SCAPER: variants seen among roughly 807,000 people sequenced by gnomAD.
SCAPER encodes the protein S phase cyclin A-associated protein in the endoplasmic reticulum.
In SCAPER, 98 loss-of-function variants were observed where a neutral mutation model predicts 182.2. The ratio of observed to expected loss-of-function variants is 0.54; its 90% CI spans 0.46 to 0.64. The LOEUF (loss-of-function observed/expected upper bound fraction) is 0.64. Among genes scored for constraint, SCAPER ranks in the 30% least tolerant of loss-of-function variants. SCAPER has a pLI of 0.00. For synonymous variants in SCAPER, 605 were observed against 564.6 expected, an observed-to-expected ratio of 1.07 and a Z score of -1.01; for missense variants, 1,432 against 1,690.0, an observed-to-expected ratio of 0.85 and a Z score of 2.68.
At chr15:76,854,370 A>G (rs1253086383) in intron 4 of SCAPER, among the ~76,000 whole-genome samples, 2 of 152,176 alleles carry the variant, frequency 1.3e-5, no homozygotes, top group Non-Finnish European at 2.9e-5. Flanking sequence ...TGCGACAAAA[A>G]AGAATAAAAT....
intron 23 of SCAPER, among the ~76,000 whole-genome samples, chr15:76,547,178 G>A (rs934146579): frequency 2.6e-5 from 4 of 152,100 alleles, no homozygotes; most frequent in African/African-American, 4.8e-5. Context: ...ACAGGTTTCC[G>A]TTTCCCCATA....
At chr15:76,831,260 C>G (rs1212518339) in intron 5 of SCAPER, among the ~76,000 whole-genome samples, 1 of 152,116 alleles carries the variant, frequency 6.6e-6, no homozygotes, top group East Asian at 1.9e-4. Flanking sequence ...CAGGGCCAGT[C>G]TGATCTAAAT....
At chr15:76,770,847 A>G (rs2063425657) in intron 10 of SCAPER, among the ~76,000 whole-genome samples, 1 of 152,130 alleles carries the variant, frequency 6.6e-6, no homozygotes, top group Admixed American at 6.5e-5. Flanking sequence ...ACTAAAAGAC[A>G]CAAGATGAAA....
At chr15:76,685,153 T>C (rs2057958861) in intron 20 of SCAPER, among the ~76,000 whole-genome samples, 1 of 151,900 alleles carries the variant, frequency 6.6e-6, no homozygotes, top group Admixed American at 6.6e-5. Flanking sequence ...TATTTAGAAA[T>C]TAGAAAAAGA....
At chr15:76,448,780 G>GT (rs2048177630) in intron 25 of SCAPER, among the ~76,000 whole-genome samples, 1 of 152,200 alleles carries the variant, frequency 6.6e-6, no homozygotes, top group African/African-American at 2.4e-5. Flanking sequence ...AAAGAACTGA[G>GT]TGGCATGGTG....
chr15:76,725,354 C>T (rs1266254645), intron 17 of SCAPER, among the ~76,000 whole-genome samples: 1 of 151,358 alleles, frequency 6.6e-6, no homozygotes, highest in East Asian at 1.9e-4. Context: ...TTAAGATGGC[C>T]ATATTGGCTG....
intron 23 of SCAPER, among the ~76,000 whole-genome samples, chr15:76,536,377 T>C (rs151278548): frequency 1.3e-5 from 2 of 152,130 alleles, no homozygotes; most frequent in Non-Finnish European, 2.9e-5. Context: ...AAAAAACCAC[T>C]TTTGAATCTC....
At chr15:76,391,184 G>C (rs1263715936) in intron 27 of SCAPER, among the ~76,000 whole-genome samples, 2 of 152,022 alleles carry the variant, frequency 1.3e-5, no homozygotes, top group Non-Finnish European at 2.9e-5. Flanking sequence ...TTCTCAACTA[G>C]AATACCCTTT....
intron 21 of SCAPER, among the ~76,000 whole-genome samples, chr15:76,639,942 T>C (rs971457772): frequency 1.3e-5 from 2 of 152,222 alleles, no homozygotes; most frequent in African/African-American, 2.4e-5. Flanking sequence ...AGTATTTTAA[T>C]AGTCAGAGCC....
At chr15:76,643,369 G>A (rs535417937) in intron 21 of SCAPER, among the ~76,000 whole-genome samples, 145 of 152,150 alleles carry the variant, frequency 9.5e-4, no homozygotes, top group Non-Finnish European at 1.3e-3. Flanking sequence ...TTCATGTGAG[G>A]AAGTGTGGGT....
intron 17 of SCAPER, among the ~76,000 whole-genome samples, chr15:76,727,912 A>C (rs2060688816): frequency 6.6e-6 from 1 of 152,088 alleles, no homozygotes; most frequent in Non-Finnish European, 1.5e-5. Context: ...CTTTGCATAA[A>C]AAAACCCTGA....
chr15:76,800,487 T>A (rs1011746443), intron 6 of SCAPER, 123 bp from the exon 7 acceptor site: 8 of 681,168 alleles, frequency 1.2e-5, no homozygotes, highest in Non-Finnish European at 2.0e-5. Flanking sequence ...CAACAAAAAG[T>A]CACAACATGT....
At chr15:76,734,731 C>T (rs927910115) in intron 15 of SCAPER, among the ~76,000 whole-genome samples, 1 of 151,944 alleles carries the variant, frequency 6.6e-6, no homozygotes, top group African/African-American at 2.4e-5. Flanking sequence ...AAAAATTAGC[C>T]GGATGTGGTG....
chr15:76,546,997 T>A (rs1037328246), intron 23 of SCAPER, among the ~76,000 whole-genome samples: 1 of 152,196 alleles, frequency 6.6e-6, no homozygotes, highest in African/African-American at 2.4e-5. Flanking sequence ...ATTAAAATGA[T>A]GATGCAACAC....
At chr15:76,517,983 A>C (rs2042567264) in intron 23 of SCAPER, among the ~76,000 whole-genome samples, 1 of 152,224 alleles carries the variant, frequency 6.6e-6, no homozygotes, top group Non-Finnish European at 1.5e-5. Flanking sequence ...GTAAATAAAA[A>C]GGAAATGAAA....
chr15:76,687,178 T>C (rs529105367), intron 20 of SCAPER, among the ~76,000 whole-genome samples: 6 of 152,176 alleles, frequency 3.9e-5, no homozygotes, highest in African/African-American at 1.4e-4. Context: ...TTCTTTCCAT[T>C]TTGAGTAAAG....
At chr15:76,664,659 A>G (rs1008729736) in intron 21 of SCAPER, among the ~76,000 whole-genome samples, 13 of 152,170 alleles carry the variant, frequency 8.5e-5, no homozygotes, top group South Asian at 4.1e-4. Context: ...AGGCCCTTAA[A>G]ACATTCAAAA....
At chr15:76,752,115 T>A (rs139197228) in intron 15 of SCAPER, among the ~76,000 whole-genome samples, 2 of 148,560 alleles carry the variant, frequency 1.3e-5, no homozygotes, top group East Asian at 3.9e-4. Flanking sequence ...AAATGGCCAA[T>A]AAGCACATGA....
At chr15:76,399,657 A>G (rs142426571) in intron 27 of SCAPER, among the ~76,000 whole-genome samples, 44 of 152,326 alleles carry the variant, frequency 2.9e-4, no homozygotes, top group African/African-American at 9.4e-4. Context: ...TCCCAAGTTG[A>G]AACAAAGACT....
Sources: gnomAD v4.1 joint callset for allele counts (sites outside exome capture counted in the v4.1 genomes callset) on GRCh38, gnomAD v4.1.1 for gene constraint, MANE v1.5 for transcripts, NCBI Gene and HGNC (gene_info 2026-07-23, HGNC 2026-07-21) for gene names.